The following ACSM1 variants were observed in gnomAD, a reference collection of about 807,000 sequenced individuals.
The protein encoded by ACSM1 is acyl-coenzyme A synthetase ACSM1, mitochondrial.
A neutral mutation model predicts 75.8 loss-of-function variants in ACSM1; 79 were observed. The ratio of observed to expected loss-of-function variants is 1.04; its 90% CI spans 0.87 to 1.26. The LOEUF (loss-of-function observed/expected upper bound fraction) is 1.26, where lower values mean the gene tolerates loss of function less well. ACSM1 is among the 50% of genes most tolerant of loss of function. The pLI, the probability that ACSM1 is intolerant of heterozygous loss-of-function variation, is 0.00. For missense variants in ACSM1, 676 were observed against 720.1 expected, an observed-to-expected ratio of 0.94 and a Z score of 0.70; for synonymous variants, 279 against 265.8, an observed-to-expected ratio of 1.05 and a Z score of -0.48.
intron 3 of ACSM1, among the ~76,000 whole-genome samples, chr16:20,684,519 C>T (rs758959080): frequency 4.6e-5 from 7 of 152,206 alleles, no homozygotes; most frequent in African/African-American, 1.4e-4. Context: ...TCCTGCCTAA[C>T]GTGTCTAATC....
chr16:20,636,660 G>T lies in ACSM1; in HGVS notation c.1299+79C>A, dbSNP rs546391334. 4.1e-6 allele frequency: 4 copies of T among 966,700 alleles called. No individual in the cohort carries two copies. In the Admixed American group the frequency reaches 5.9e-5, roughly 14 times the overall value. 59.9% of individuals were successfully genotyped at this position (966,700 alleles called of 1,614,324 possible). On this transcript the variant is annotated intron_variant, in intron 10 of 13. Transcript: ENST00000520010. ...CATTGAGTTAGAGCAAATAAAAGAG[G>T]ACTTGAAGAAGCCTCAGGATGCAGA...
intron 13 of ACSM1, 67 bp from the exon 14 acceptor site, chr16:20,623,639 C>T: frequency 1.4e-6 from 2 of 1,466,170 alleles, no homozygotes; most frequent in South Asian, 2.3e-5. Context: ...ATTCTCCACT[C>T]TCCTCCTCTG....
intron 13 of ACSM1, 70 bp downstream of exon 13, chr16:20,624,026 G>A: frequency 6.3e-7 from 1 of 1,588,696 alleles, no homozygotes; most frequent in Non-Finnish European, 8.6e-7. Context: ...GTTACCTCCA[G>A]TGATACCTAG....
At chr16:20,674,115 T>C in intron 4 of ACSM1, 1 of 448,774 alleles carries the variant, frequency 2.2e-6, no homozygotes, top group Admixed American at 2.4e-5. Flanking sequence ...GGAACAGGAA[T>C]TAAAAGAAAT....
chr16:20,627,623 G>A (rs2017032201), intron 10 of ACSM1, among the ~76,000 whole-genome samples: 1 of 152,098 alleles, frequency 6.6e-6, no homozygotes, highest in South Asian at 2.1e-4. Context: ...GAGGTCAGGA[G>A]TTCAAGGCCA....
rs2079542783 is a variant in ACSM1 at position 20,685,836 on chromosome 16, C to CAAAA, written c.193-437_193-434dup. Reference sequence around the variant, plus strand: ...CTCCGTCTCAAAAAAAAAAAACAAACAAAAAAAAAACAAAAAACTTATAGC... The same window carrying CAAAA: ...CTCCGTCTCAAAAAAAAAAAACAAACAAAAAAAAAAAAAACAAAAAACTTATAGC... On this transcript the variant is annotated intron_variant, in intron 2 of 13. Coordinates refer to ENST00000520010, the MANE Select transcript of ACSM1 (RefSeq NM_001318890.3). Among the ~76,000 whole-genome samples, 2 of 108,528 alleles carry CAAAA rather than the reference C, an allele frequency of 1.8e-5. 1 individual carries two copies. The highest frequency in any genetic ancestry group is 6.8e-5 in the African/African-American group (2 of 29,356). The allele number at this position is 108,528 out of a possible 152,430, so 71.2% of individuals were successfully genotyped here. A position where few individuals can be genotyped will look rare whatever the true frequency, so the allele number is the denominator to read the frequency against.
chr16:20,661,858 G>C lies in ACSM1; in HGVS notation c.928C>G (p.Pro310Ala), dbSNP rs779095607. ...KVIIQTLLKYPINHFWGVSSI... is the reference protein window; with the variant it reads ...KVIIQTLLKYAINHFWGVSSI... ...GATACCCCCCAAAAGTGGTTAATGG[G>C]GTATTTCAACAATGTCTGGAAAGGG... Residue 310 changes from proline (P) to alanine (A), a missense_variant, in exon 7 of 14, where the codon CCC becomes GCC. Pro to Ala is a conservative substitution (Grantham distance 27). Coordinates refer to ENST00000520010, the MANE Select transcript of ACSM1 (RefSeq NM_001318890.3). 6.2e-7 allele frequency: 1 copy of C among 1,603,770 alleles called. No homozygotes were observed. Among genetic ancestry groups the C allele is most frequent in the Non-Finnish European group, 8.5e-7 (1 of 1,172,720 alleles).
intron 6 of ACSM1, among the ~76,000 whole-genome samples, chr16:20,663,339 C>T (rs923176846): frequency 4.6e-5 from 7 of 152,202 alleles, no homozygotes; most frequent in Non-Finnish European, 7.3e-5. Context: ...CCCCCACATC[C>T]GCATGTCCTC....
intron 7 of ACSM1, among the ~76,000 whole-genome samples, chr16:20,650,186 G>A (rs565756293): frequency 6.6e-6 from 1 of 152,222 alleles, no homozygotes; most frequent in South Asian, 2.1e-4. Flanking sequence ...TTCTAGTTCC[G>A]AGATGCATTC....
At chr16:20,682,789 T>C (rs553080626) in intron 3 of ACSM1, among the ~76,000 whole-genome samples, 5 of 152,346 alleles carry the variant, frequency 3.3e-5, no homozygotes, top group South Asian at 2.1e-4. Context: ...TCTGGAAGTA[T>C]AGATGTAAAC....
intron 3 of ACSM1, among the ~76,000 whole-genome samples, chr16:20,683,360 A>T: frequency 6.6e-6 from 1 of 151,456 alleles, no homozygotes; most frequent in East Asian, 2.0e-4. Context: ...ACTTCTGACC[A>T]CAAGTGATCT....
chr16:20,671,531 C>A lies in ACSM1; in HGVS notation c.752G>T (p.Ser251Ile). 6.2e-7 allele frequency: 1 copy of A among 1,604,984 alleles called. No individual in the cohort carries two copies. Among genetic ancestry groups the A allele is most frequent in the Non-Finnish European group, 8.5e-7 (1 of 1,175,980 alleles). ...TCTATGTCGGTGCCCTCTTTCCTACCTTCCTGGGAAGGAGGGTTGTAAGGC... is the reference window on the plus strand; with the variant it reads ...TCTATGTCGGTGCCCTCTTTCCTACATTCCTGGGAAGGAGGGTTGTAAGGC... ...GLALQPSFPG[S>I]RKLRSLKTSD... Residue 251 changes from serine (S) to isoleucine (I), a missense_variant and splice_region_variant, in exon 5 of 14, where the codon AGT (serine) becomes ATT (isoleucine). Physicochemically the swap from Ser to Ile is moderately radical, Grantham distance 142. Transcript: ENST00000520010.
intron 4 of ACSM1, among the ~76,000 whole-genome samples, chr16:20,675,193 A>G (rs1299156263): frequency 1.3e-5 from 2 of 152,068 alleles, no homozygotes; most frequent in African/African-American, 2.4e-5. Flanking sequence ...GTGGGAATCT[A>G]ACTAGGCTCA....
chr16:20,642,718 C>T (rs1003660206), intron 7 of ACSM1, among the ~76,000 whole-genome samples: 5 of 152,114 alleles, frequency 3.3e-5, no homozygotes, highest in South Asian at 2.1e-4. Context: ...TCTATGACAA[C>T]GTAATAGATC....
chr16:20,697,594 C>T (rs541216661), intron 1 of ACSM1, 42 bp downstream of exon 1: 1 of 140,054 alleles, frequency 7.1e-6, no homozygotes, highest in African/African-American at 2.5e-5. Flanking sequence ...CACACACACA[C>T]ACACACACAC....
chr16:20,671,466 CACACACACACACAAA>C, intron 5 of ACSM1, 50 bp downstream of exon 5: 1 of 1,518,218 alleles, frequency 6.6e-7, no homozygotes, highest in Non-Finnish European at 8.9e-7. Context: ...CACACACACA[CACACACACACACAAA>C]CTTTGCCCAC....
intron 10 of ACSM1, among the ~76,000 whole-genome samples, chr16:20,632,135 C>T (rs76832347): frequency 0.014 from 2,168 of 152,024 alleles, 54 homozygotes; most frequent in African/African-American, 0.05. Context: ...TTAGCACATA[C>T]GTTAAAAAAG....
intron 2 of ACSM1, among the ~76,000 whole-genome samples, chr16:20,688,095 AAAAG>A (rs1013421504): frequency 2.6e-5 from 4 of 152,080 alleles, no homozygotes; most frequent in African/African-American, 9.7e-5. Context: ...AAAAAAAAAA[AAAAG>A]AAAGAACCAA....
intron 7 of ACSM1, among the ~76,000 whole-genome samples, chr16:20,660,308 G>A (rs2019229387): frequency 6.6e-6 from 1 of 152,154 alleles, no homozygotes; most frequent in Non-Finnish European, 1.5e-5. Flanking sequence ...AAAGCCAGCT[G>A]GATGCATCTA....
Sources: allele counts gnomAD v4.1 joint callset (sites outside exome capture counted in the v4.1 genomes callset), GRCh38; gene constraint gnomAD v4.1.1; transcripts MANE v1.5; gene names NCBI Gene and HGNC (gene_info 2026-07-23, HGNC 2026-07-21).